The following RFX4 variants were observed in gnomAD, a reference collection of about 807,000 sequenced individuals.
RFX4 encodes transcription factor RFX4.
In RFX4, 10 loss-of-function variants were observed where a neutral mutation model predicts 95.0. The observed-to-expected ratio is 0.11, with a 90% confidence interval of 0.06 to 0.18. The LOEUF (loss-of-function observed/expected upper bound fraction) is 0.18, where lower values mean the gene tolerates loss of function less well. Ranked by LOEUF, RFX4 falls within the 10% of genes least tolerant of loss-of-function variation. The pLI is 1.00. For synonymous variants in RFX4, 321 were observed against 340.7 expected, an observed-to-expected ratio of 0.94 and a Z score of 0.64; for missense variants, 640 against 922.0, an observed-to-expected ratio of 0.69 and a Z score of 3.96.
chr12:106,746,355 C>CA (rs531874659), intron 15 of RFX4, among the ~76,000 whole-genome samples: 8,903 of 66,904 alleles, frequency 0.13, 875 homozygotes, highest in African/African-American at 0.32. Context: ...GACTCCATCT[C>CA]AAAAAAAAAA....
intron 4 of RFX4, among the ~76,000 whole-genome samples, chr12:106,669,000 T>C (rs991944557): frequency 1.3e-5 from 2 of 152,246 alleles, no homozygotes; most frequent in African/African-American, 4.8e-5. Context: ...TAATGATGTC[T>C]TAAATTCCTC....
intron 15 of RFX4, among the ~76,000 whole-genome samples, chr12:106,733,739 C>T (rs910658387): frequency 3.3e-5 from 5 of 152,054 alleles, no homozygotes; most frequent in South Asian, 2.1e-4. Flanking sequence ...CTGATGCTAC[C>T]GTGAGACTGT....
intron 7 of RFX4, among the ~76,000 whole-genome samples, chr12:106,693,654 T>C (rs545416206): frequency 8.5e-4 from 130 of 152,264 alleles, no homozygotes; most frequent in African/African-American, 3.1e-3. Context: ...GCAAGTACCT[T>C]GTCCAAAAGC....
intron 13 of RFX4, among the ~76,000 whole-genome samples, chr12:106,727,718 CA>C (rs1220369536): frequency 6.6e-6 from 1 of 151,982 alleles, no homozygotes; most frequent in Non-Finnish European, 1.5e-5. Flanking sequence ...CTCCTGGGTT[CA>C]AACCATTCTC....
At chr12:106,601,392 C>T (rs1268266678) in intron 1 of RFX4, 5 of 1,540,558 alleles carry the variant, frequency 3.2e-6, no homozygotes, top group Admixed American at 3.9e-5. Flanking sequence ...GGGCCTGGCA[C>T]CCTCAGGGGG....
chr12:106,676,466 C>G (rs140154001), intron 4 of RFX4, among the ~76,000 whole-genome samples: 2 of 152,316 alleles, frequency 1.3e-5, no homozygotes, highest in East Asian at 3.9e-4. Flanking sequence ...CCAGAGGCCT[C>G]TAGGTAGACA....
In RFX4 at chr12:106,612,452, T is replaced by A. The variant is rs189451066; in HGVS notation, c.130+3569T>A. Among the ~76,000 whole-genome samples the A allele has an allele frequency of 1.3e-3, 200 of 152,338 alleles. 1 individual carries two copies. The highest frequency in any genetic ancestry group is 2.6e-3 in the Admixed American group (40 of 15,300). ...ATGCAACTGATTATTGTGTGCTGAT[T>A]TTGTGTCCTGCAACTTTGCTGAATT... is the stretch of plus-strand genomic sequence containing the variant. On this transcript the variant is annotated intron_variant, in intron 2 of 17. Coordinates refer to ENST00000392842, the MANE Select transcript of RFX4 (RefSeq NM_213594.3).
At chr12:106,612,216 T>G (rs542550165) in intron 2 of RFX4, among the ~76,000 whole-genome samples, 8 of 152,342 alleles carry the variant, frequency 5.3e-5, no homozygotes, top group African/African-American at 1.9e-4. Flanking sequence ...AACATCTTAA[T>G]AGTAAGTCTT....
At chr12:106,606,100 A>G (rs1325779540) in intron 1 of RFX4, among the ~76,000 whole-genome samples, 1 of 152,178 alleles carries the variant, frequency 6.6e-6, no homozygotes, top group Non-Finnish European at 1.5e-5. Context: ...GAATGTTGCC[A>G]CGAAGTTTTC....
At chr12:106,669,618 A>T (rs1359828384) in intron 4 of RFX4, among the ~76,000 whole-genome samples, 2 of 151,904 alleles carry the variant, frequency 1.3e-5, no homozygotes, top group Non-Finnish European at 2.9e-5. Flanking sequence ...GGTCACTTGC[A>T]CACCCCTGAA....
At chr12:106,716,703 G>C (rs2042299548) in intron 11 of RFX4, among the ~76,000 whole-genome samples, 1 of 152,052 alleles carries the variant, frequency 6.6e-6, no homozygotes, top group South Asian at 2.1e-4. Context: ...AAGAATTTTA[G>C]AGATCATCAC....
chr12:106,608,084 G>T (rs892615166), intron 1 of RFX4, among the ~76,000 whole-genome samples: 4 of 152,266 alleles, frequency 2.6e-5, no homozygotes, highest in African/African-American at 9.6e-5. Flanking sequence ...AGCTACTCAG[G>T]AGGCTGAGGC....
At chr12:106,759,996 C>T (rs2043181315) in intron 17 of RFX4, among the ~76,000 whole-genome samples, 1 of 152,178 alleles carries the variant, frequency 6.6e-6, no homozygotes, top group East Asian at 1.9e-4. Context: ...CACCTAGACT[C>T]CAGGGAGCAG....
intron 4 of RFX4, among the ~76,000 whole-genome samples, chr12:106,663,257 G>A (rs527338784): frequency 6.6e-5 from 10 of 151,980 alleles, no homozygotes; most frequent in South Asian, 2.1e-4. Flanking sequence ...GGTTTTCCTC[G>A]TGTAGCTCTT....
intron 4 of RFX4, among the ~76,000 whole-genome samples, chr12:106,670,929 A>G (rs2041268352): frequency 6.6e-6 from 1 of 152,176 alleles, no homozygotes; most frequent in South Asian, 2.1e-4. Context: ...TCTTTCCCTA[A>G]TCATTTCTCT....
At chr12:106,690,093 G>A (rs187960139) in intron 7 of RFX4, among the ~76,000 whole-genome samples, 44 of 152,270 alleles carry the variant, frequency 2.9e-4, no homozygotes, top group Admixed American at 1.8e-3. Context: ...AGGGGGTGCT[G>A]TTGTAGGTGG....
chr12:106,661,236 C>T (rs1228180097), intron 4 of RFX4, among the ~76,000 whole-genome samples: 5 of 152,136 alleles, frequency 3.3e-5, no homozygotes, highest in Admixed American at 3.3e-4. Flanking sequence ...CCGTATTAGC[C>T]CAAAACACTT....
At chr12:106,717,230 G>T (rs2042311870) in intron 11 of RFX4, among the ~76,000 whole-genome samples, 1 of 152,092 alleles carries the variant, frequency 6.6e-6, no homozygotes, top group Admixed American at 6.5e-5. Context: ...CAAGATTCAT[G>T]GAATACCAAA....
chr12:106,675,593 C>T (rs767175867), intron 4 of RFX4, among the ~76,000 whole-genome samples: 1 of 152,074 alleles, frequency 6.6e-6, no homozygotes, highest in African/African-American at 2.4e-5. Context: ...TCATATTGTA[C>T]ACCATAAATA....
Sources: allele counts gnomAD v4.1 joint callset (sites outside exome capture counted in the v4.1 genomes callset), GRCh38; gene constraint gnomAD v4.1.1; transcripts MANE v1.5; gene names NCBI Gene and HGNC (gene_info 2026-07-23, HGNC 2026-07-21).